OPCML: variants seen among roughly 807,000 people sequenced by gnomAD.
The protein encoded by OPCML is opioid binding protein/cell adhesion molecule like.
Under a neutral mutation model 37.8 loss-of-function variants are expected in OPCML, and 13 were observed. The ratio of observed to expected loss-of-function variants is 0.34; its 90% CI spans 0.22 to 0.55. The LOEUF (loss-of-function observed/expected upper bound fraction) is 0.55. Among genes scored for constraint, OPCML ranks in the 20% least tolerant of loss-of-function variants. The pLI, the probability that OPCML is intolerant of heterozygous loss-of-function variation, is 0.91. For synonymous variants in OPCML, 176 were observed against 168.8 expected (o/e 1.04, Z -0.33); for missense variants, 341 against 435.6 (o/e 0.78, Z 1.93).
rs1218938931 is a variant in OPCML at position 132,420,348 on chromosome 11, T to C, written c.917-55A>G. On this transcript the variant is annotated intron_variant, in intron 7 of 7. Coordinates refer to ENST00000524381, the MANE Select transcript of OPCML (RefSeq NM_001012393.5). ...TAGCATACACCCAAGGACACCATAG[T>C]TCTTCCCTGACAAGCAAATACACAT... 6 of 1,598,228 alleles carry C rather than the reference T, an allele frequency of 3.8e-6. No homozygotes were observed. In the East Asian group the frequency reaches 6.7e-5, roughly 18 times the overall value.
At position 132,653,293 on chromosome 11, in the gene OPCML, C is replaced by T. The variant is rs187153390; in HGVS notation, c.379+3794G>A. ...TGCTCTCAGTTTCCTGTGGACAGTG[C>T]CTCTCAGGCACCTCTGGATCTTTTC... On this transcript the variant is annotated intron_variant, in intron 3 of 7. Transcript: ENST00000524381. Among the ~76,000 whole-genome samples the T allele has an allele frequency of 1.4e-4, 21 of 152,302 alleles. No individual in the cohort carries two copies. The East Asian group carries it at 1.7e-3, about 13-fold the overall frequency.
At chr11:133,386,085 G>A (rs900707169) in intron 1 of OPCML, among the ~76,000 whole-genome samples, 1 of 152,208 alleles carries the variant, frequency 6.6e-6, no homozygotes, top group African/African-American at 2.4e-5. Context: ...ATGAGCTGAA[G>A]TGTGAGAATG....
At chr11:132,723,482 A>C (rs945260539) in intron 2 of OPCML, among the ~76,000 whole-genome samples, 5 of 152,254 alleles carry the variant, frequency 3.3e-5, no homozygotes, top group African/African-American at 1.2e-4. Flanking sequence ...ACTGTAAAAA[A>C]TAGAAGAGCC....
chr11:133,052,222 A>T (rs1471785383), intron 1 of OPCML, among the ~76,000 whole-genome samples: 1 of 152,230 alleles, frequency 6.6e-6, no homozygotes, highest in African/African-American at 2.4e-5. Context: ...TAGGACGAAT[A>T]ATGATGAGTT....
intron 1 of OPCML, among the ~76,000 whole-genome samples, chr11:133,378,295 G>T (rs973286964): frequency 2.0e-5 from 3 of 152,106 alleles, no homozygotes; most frequent in Non-Finnish European, 4.4e-5. Flanking sequence ...TCCACATTTT[G>T]TATGGCCTTT....
chr11:133,250,989 T>C (rs2136433422), intron 1 of OPCML, among the ~76,000 whole-genome samples: 1 of 152,260 alleles, frequency 6.6e-6, no homozygotes, highest in Middle Eastern at 3.4e-3. Context: ...CTACTGGGGC[T>C]GAAGGACTCC....
At chr11:132,443,368 G>T (rs935895984) in intron 4 of OPCML, among the ~76,000 whole-genome samples, 1 of 152,204 alleles carries the variant, frequency 6.6e-6, no homozygotes, top group Non-Finnish European at 1.5e-5. Flanking sequence ...GTGGGCAGAG[G>T]GTGGCCACCC....
At chr11:132,699,327 T>C (rs1943719002) in intron 2 of OPCML, among the ~76,000 whole-genome samples, 2 of 152,122 alleles carry the variant, frequency 1.3e-5, no homozygotes, top group African/African-American at 2.4e-5. Flanking sequence ...CTTTTCCAAT[T>C]TGAAACTCTT....
intron 2 of OPCML, among the ~76,000 whole-genome samples, chr11:132,692,898 G>A (rs925578816): frequency 6.6e-6 from 1 of 152,128 alleles, no homozygotes; most frequent in Non-Finnish European, 1.5e-5. Context: ...TCCTCTAAAT[G>A]GAAATAGCAC....
chr11:132,588,441 G>A (rs1215406868), intron 3 of OPCML, among the ~76,000 whole-genome samples: 4 of 152,134 alleles, frequency 2.6e-5, no homozygotes, highest in Non-Finnish European at 4.4e-5. Context: ...TCATAGCCTT[G>A]TATTACTACA....
intron 7 of OPCML, among the ~76,000 whole-genome samples, chr11:132,429,408 T>C (rs1342826653): frequency 6.6e-6 from 1 of 152,010 alleles, no homozygotes; most frequent in African/African-American, 2.4e-5. Context: ...TGAGTGATAA[T>C]GGAGATGGAG....
intron 1 of OPCML, among the ~76,000 whole-genome samples, chr11:133,150,885 C>A (rs1423927648): frequency 1.3e-5 from 2 of 152,086 alleles, no homozygotes; most frequent in Admixed American, 6.6e-5. Context: ...CAAAGGGCAG[C>A]TGAGAAGGAC....
intron 1 of OPCML, among the ~76,000 whole-genome samples, chr11:133,175,410 A>T (rs1950352534): frequency 6.7e-6 from 1 of 150,274 alleles, no homozygotes; most frequent in Admixed American, 6.7e-5. Context: ...CTGCTTATTT[A>T]TTCGTGTTAT....
At chr11:132,617,486 G>A (rs1939111983) in intron 3 of OPCML, among the ~76,000 whole-genome samples, 1 of 152,192 alleles carries the variant, frequency 6.6e-6, no homozygotes, top group Non-Finnish European at 1.5e-5. Flanking sequence ...CTCTCCCAGT[G>A]ATTGGCCCCT....
chr11:133,198,606 C>A lies in OPCML; in HGVS notation c.62-255596G>T, dbSNP rs147198067. 4.5e-3 allele frequency among the ~76,000 whole-genome samples: 693 copies of A among 152,330 alleles called. 3 individuals are homozygous for A. The highest frequency in any genetic ancestry group is 7.9e-3 in the Non-Finnish European group (537 of 68,030). Reference sequence around the variant, plus strand: ...GAGGGCAGCATGGGAACACGTGAAGCACTGTGGAGAGGTGGACTCACATCT... The same window carrying A: ...GAGGGCAGCATGGGAACACGTGAAGAACTGTGGAGAGGTGGACTCACATCT... On this transcript the variant is annotated intron_variant, in intron 1 of 7. Coordinates refer to ENST00000524381, the MANE Select transcript of OPCML (RefSeq NM_001012393.5).
intron 1 of OPCML, among the ~76,000 whole-genome samples, chr11:133,324,491 C>T (rs1274824224): frequency 2.0e-5 from 3 of 152,154 alleles, no homozygotes; most frequent in Admixed American, 6.5e-5. Context: ...TTGTCTAGAA[C>T]GTCTAGGAAA....
chr11:132,455,102 A>T (rs763967977), intron 4 of OPCML, among the ~76,000 whole-genome samples: 6 of 152,204 alleles, frequency 3.9e-5, no homozygotes, highest in Non-Finnish European at 5.9e-5. Context: ...AAACGATCTT[A>T]TCTAAATCCC....
intron 3 of OPCML, among the ~76,000 whole-genome samples, chr11:132,573,548 G>C (rs189464322): frequency 5.3e-5 from 8 of 151,950 alleles, no homozygotes; most frequent in Admixed American, 3.9e-4. Context: ...TTGATTTTGT[G>C]TATCACATTA....
In OPCML at chr11:133,205,361, T is replaced by C. The variant is rs1385702472; in HGVS notation, c.62-262351A>G. 6.6e-6 allele frequency among the ~76,000 whole-genome samples: 1 copy of C among 152,134 alleles called. No individual in the cohort carries two copies. The highest frequency in any genetic ancestry group is 2.4e-5 in the African/African-American group (1 of 41,446). ...GCCGGCTGCTCCCCTGTATCCTCTA[T>C]TGATACACAGGCAAGTGTATGTAAA... On this transcript the variant is annotated intron_variant, in intron 1 of 7. Transcript: ENST00000524381. The surrounding 1 kb of genome is among the most constrained non-coding windows in gnomAD (Gnocchi z 4.8).
Sources: allele counts gnomAD v4.1 joint callset (sites outside exome capture counted in the v4.1 genomes callset), GRCh38; gene constraint gnomAD v4.1.1; non-coding constraint Gnocchi (gnomAD v3.1); transcripts MANE v1.5; gene names NCBI Gene and HGNC (gene_info 2026-07-23, HGNC 2026-07-21).